Variants in CHRM3 observed in about 807,000 individuals in gnomAD.
CHRM3 encodes the protein cholinergic receptor muscarinic 3.
In CHRM3, 11 loss-of-function variants were observed where a neutral mutation model predicts 41.8. That is an observed-to-expected ratio of 0.26 (90% confidence interval 0.17 to 0.44). CHRM3 has a LOEUF of 0.44. CHRM3 is among the 20% of genes least tolerant of loss of function. The pLI is 1.00. For synonymous variants in CHRM3, 297 were observed against 301.4 expected, an observed-to-expected ratio of 0.99 and a Z score of 0.15; for missense variants, 571 against 745.4, an observed-to-expected ratio of 0.77 and a Z score of 2.72.
In CHRM3 at chr1:239,545,640, G is replaced by T. The variant is rs1409991342; in HGVS notation, c.-421-1G>T. The T allele has an allele frequency of 6.6e-6, 1 of 151,974 alleles. No individual in the cohort carries two copies. The highest frequency in any genetic ancestry group is 1.9e-4 in the East Asian group (1 of 5,182). The allele number at this position is 151,974 out of a possible 1,614,324, so 9.4% of individuals were successfully genotyped here. On this transcript the variant is annotated splice_acceptor_variant, in intron 2 of 6. Transcript: ENST00000676153. LOFTEE classifies it low-confidence loss of function (5UTR_SPLICE). ...TTTTTCATCTTTTTGTGTCTGTTTA[G>T]ATATGAACAGTAATGGCACATATTT...
chr1:239,762,418 G>A lies in CHRM3; in HGVS notation c.-146-64834G>A, dbSNP rs576243611. On this transcript the variant is annotated intron_variant, in intron 5 of 6. Transcript: ENST00000676153. ...ATGACACATACTTTTTGAAATCCCC[G>A]GTTGCATAGAACAAAGTGTGTGGTA... Among the ~76,000 whole-genome samples, 357 of 152,116 alleles carry A rather than the reference G, an allele frequency of 2.3e-3. 1 individual carries two copies. The highest frequency in any genetic ancestry group is 4.5e-3 in the Non-Finnish European group (305 of 67,972).
intron 6 of CHRM3, among the ~76,000 whole-genome samples, chr1:239,833,073 C>T (rs1253915451): frequency 6.6e-6 from 1 of 152,182 alleles, no homozygotes; most frequent in Non-Finnish European, 1.5e-5. Flanking sequence ...GTGCAGATTT[C>T]ATAAGCTACA....
chr1:239,699,815 A>G (rs2148076976), intron 5 of CHRM3, among the ~76,000 whole-genome samples: 1 of 152,338 alleles, frequency 6.6e-6, no homozygotes, highest in African/African-American at 2.4e-5. Flanking sequence ...AAGAATAAGG[A>G]AAACATATCT....
intron 2 of CHRM3, among the ~76,000 whole-genome samples, chr1:239,542,332 G>C (rs1350772912): frequency 6.6e-6 from 1 of 152,124 alleles, no homozygotes; most frequent in African/African-American, 2.4e-5. Context: ...AAATAGAGAG[G>C]CACCCCAAAT....
chr1:239,824,531 C>A (rs1185615836), intron 5 of CHRM3, among the ~76,000 whole-genome samples: 3 of 152,162 alleles, frequency 2.0e-5, no homozygotes, highest in African/African-American at 7.2e-5. Context: ...TATATTGATT[C>A]TTGCTCCCTG....
chr1:239,844,755 C>T (rs1674123240), intron 6 of CHRM3, among the ~76,000 whole-genome samples: 1 of 152,138 alleles, frequency 6.6e-6, no homozygotes, highest in Non-Finnish European at 1.5e-5. Context: ...TGCAGAAAGA[C>T]TAAGTATCTT....
intron 2 of CHRM3, among the ~76,000 whole-genome samples, chr1:239,522,315 C>T (rs1426545195): frequency 2.6e-5 from 4 of 152,172 alleles, no homozygotes; most frequent in African/African-American, 7.2e-5. Context: ...AAGTTGTGGC[C>T]GTTGGCCACC....
At chr1:239,607,195 C>T (rs1001354166) in intron 3 of CHRM3, among the ~76,000 whole-genome samples, 2 of 152,082 alleles carry the variant, frequency 1.3e-5, no homozygotes, top group Admixed American at 1.3e-4. Context: ...CCATTCTTTC[C>T]CTGCAGCATT....
At chr1:239,698,241 C>G (rs1660375369) in intron 5 of CHRM3, among the ~76,000 whole-genome samples, 1 of 152,142 alleles carries the variant, frequency 6.6e-6, no homozygotes. Flanking sequence ...ATAATTAAGA[C>G]TAGATTATTT....
At chr1:239,395,387 C>T (rs181271208) in intron 1 of CHRM3, among the ~76,000 whole-genome samples, 5 of 152,184 alleles carry the variant, frequency 3.3e-5, no homozygotes, top group African/African-American at 1.2e-4. Context: ...CCTGGGGTTC[C>T]TATTTCTATG....
At chr1:239,847,159 G>A (rs1674334784) in intron 6 of CHRM3, among the ~76,000 whole-genome samples, 1 of 152,110 alleles carries the variant, frequency 6.6e-6, no homozygotes, top group Admixed American at 6.6e-5. Flanking sequence ...ACGAAAGTGA[G>A]GGTGTTGTGT....
At chr1:239,496,282 T>C (rs529106148) in intron 2 of CHRM3, among the ~76,000 whole-genome samples, 5 of 152,176 alleles carry the variant, frequency 3.3e-5, no homozygotes, top group African/African-American at 1.2e-4. Context: ...AAAATCAAGA[T>C]TTGGAGAGGC....
chr1:239,415,929 A>G (rs571031892), intron 1 of CHRM3, among the ~76,000 whole-genome samples: 7 of 152,324 alleles, frequency 4.6e-5, no homozygotes, highest in South Asian at 4.1e-4. Flanking sequence ...AATGTTTGCC[A>G]TAGATTTTCT....
At chr1:239,560,831 T>C (rs911258421) in intron 3 of CHRM3, among the ~76,000 whole-genome samples, 6 of 152,096 alleles carry the variant, frequency 3.9e-5, no homozygotes, top group African/African-American at 1.4e-4. Flanking sequence ...GCCTAACAAG[T>C]GGCTCTAAAT....
intron 6 of CHRM3, among the ~76,000 whole-genome samples, chr1:239,843,430 T>C (rs1431157314): frequency 2.7e-5 from 4 of 150,418 alleles, no homozygotes; most frequent in African/African-American, 9.8e-5. Flanking sequence ...CTCTCTCTTT[T>C]TATCTCACTC....
At chr1:239,506,384 A>G (rs1668572811) in intron 2 of CHRM3, among the ~76,000 whole-genome samples, 1 of 152,178 alleles carries the variant, frequency 6.6e-6, no homozygotes, top group Non-Finnish European at 1.5e-5. Flanking sequence ...CCATGGCTAA[A>G]AGAGCCAAGA....
At chr1:239,572,919 C>T (rs183711382) in intron 3 of CHRM3, among the ~76,000 whole-genome samples, 7 of 152,198 alleles carry the variant, frequency 4.6e-5, no homozygotes, top group Non-Finnish European at 8.8e-5. Flanking sequence ...GTTTATATCC[C>T]GCTTAGAATT....
chr1:239,885,213 T>C (rs1677966838), intron 6 of CHRM3, among the ~76,000 whole-genome samples: 1 of 152,180 alleles, frequency 6.6e-6, no homozygotes, highest in African/African-American at 2.4e-5. Flanking sequence ...GCAGATGATA[T>C]GGAAAACATG....
chr1:239,906,796 T>G (rs879862470), intron 6 of CHRM3, among the ~76,000 whole-genome samples: 4 of 152,200 alleles, frequency 2.6e-5, no homozygotes, highest in Admixed American at 6.5e-5. Flanking sequence ...CTGCATGTTA[T>G]CAAGTAGAAG....
Sources: gnomAD v4.1 joint callset for allele counts (sites outside exome capture counted in the v4.1 genomes callset) on GRCh38, gnomAD v4.1.1 for gene constraint, MANE v1.5 for transcripts, NCBI Gene and HGNC (gene_info 2026-07-23, HGNC 2026-07-21) for gene names.